SCLT1: variants seen among roughly 807,000 people sequenced by gnomAD.
SCLT1 encodes the protein sodium channel and clathrin linker 1, also known as sodium channel-associated protein 1.
In SCLT1, 78 loss-of-function variants were observed where a neutral mutation model predicts 112.8. That is an observed-to-expected ratio of 0.69 (90% CI 0.58 to 0.83). The LOEUF is 0.83. SCLT1 is among the 40% of genes least tolerant of loss of function. The probability of loss-of-function intolerance (pLI) is 0.00; values close to 1 mark genes in which losing one functional copy is unlikely to be tolerated. For synonymous variants in SCLT1, 257 were observed against 254.7 expected, an observed-to-expected ratio of 1.01 and a Z score of -0.09; for missense variants, 747 against 770.4, an observed-to-expected ratio of 0.97 and a Z score of 0.36.
At chr4:129,032,229 G>A (rs1746788109) in intron 5 of SCLT1, among the ~76,000 whole-genome samples, 1 of 152,084 alleles carries the variant, frequency 6.6e-6, no homozygotes, top group Non-Finnish European at 1.5e-5. Context: ...GGAAAAACAA[G>A]CAATGGGGAA....
At chr4:129,013,838 T>C (rs1159789290) in intron 5 of SCLT1, among the ~76,000 whole-genome samples, 6 of 152,216 alleles carry the variant, frequency 3.9e-5, no homozygotes, top group Non-Finnish European at 7.3e-5. Context: ...ATTTCCTGAA[T>C]TTGAATGTTA....
At chr4:128,937,358 T>C (rs1460995661) in intron 17 of SCLT1, among the ~76,000 whole-genome samples, 12 of 152,098 alleles carry the variant, frequency 7.9e-5, no homozygotes, top group Non-Finnish European at 1.2e-4. Context: ...TATAATGTTA[T>C]GTCAGTAAAA....
chr4:129,002,008 A>T (rs1313350451), intron 6 of SCLT1, among the ~76,000 whole-genome samples: 4 of 151,838 alleles, frequency 2.6e-5, no homozygotes, highest in African/African-American at 7.2e-5. Context: ...TTCATACATT[A>T]AAAAAAATTA....
chr4:129,021,791 G>A (rs957402144), intron 5 of SCLT1, among the ~76,000 whole-genome samples: 1 of 152,214 alleles, frequency 6.6e-6, no homozygotes, highest in Non-Finnish European at 1.5e-5. Context: ...TGACAAGAGG[G>A]ATTCTCCCAG....
intron 14 of SCLT1, among the ~76,000 whole-genome samples, chr4:128,948,808 G>A (rs977161366): frequency 6.6e-6 from 1 of 152,114 alleles, no homozygotes; most frequent in East Asian, 1.9e-4. Flanking sequence ...GAGGTTGGGG[G>A]ATTCCAGGGA....
chr4:129,041,559 G>A (rs1747696312), intron 4 of SCLT1, among the ~76,000 whole-genome samples: 1 of 152,028 alleles, frequency 6.6e-6, no homozygotes, highest in African/African-American at 2.4e-5. Context: ...ATTCCCATAA[G>A]CCCTGGCATT....
downstream of SCLT1, among the ~76,000 whole-genome samples, chr4:128,879,582 C>A (rs1331136115): frequency 6.6e-6 from 1 of 152,168 alleles, no homozygotes; most frequent in Non-Finnish European, 1.5e-5. Flanking sequence ...TACCTCATAT[C>A]TTTGGAAAGG....
At chr4:129,026,122 T>C (rs1160588846) in intron 5 of SCLT1, among the ~76,000 whole-genome samples, 1 of 152,230 alleles carries the variant, frequency 6.6e-6, no homozygotes, top group East Asian at 1.9e-4. Context: ...CACCCCACTG[T>C]CAACATTAGA....
chr4:128,904,250 T>C (rs757266025), intron 18 of SCLT1, among the ~76,000 whole-genome samples: 1 of 152,184 alleles, frequency 6.6e-6, no homozygotes, highest in Non-Finnish European at 1.5e-5. Flanking sequence ...GAATCCCTTA[T>C]AGTATCACTG....
Position 129,003,781 on chromosome 4 carries a change from G to A in SCLT1, c.386C>T (p.Thr129Ile), listed in dbSNP as rs758794944. ...CAATTGTTCTTGAAGGTTTCTGACT[G>A]TTTCATCATCTGCATATATGTCAGT... ...VGTDIYADDETVRNLQEQLQL... is the reference protein window; with the variant it reads ...VGTDIYADDEIVRNLQEQLQL... The change falls in exon 6 of 21, where the codon ACA (threonine) becomes ATA (isoleucine). Residue 129 changes from threonine to isoleucine, a missense_variant. Coordinates refer to ENST00000281142, the MANE Select transcript of SCLT1 (RefSeq NM_144643.4). 1 of 1,610,244 alleles carries A rather than the reference G, an allele frequency of 6.2e-7. No individual in the cohort carries two copies. The highest frequency in any genetic ancestry group is 2.2e-5 in the East Asian group (1 of 44,562).
At chr4:129,001,407 T>C (rs1203437463) in intron 6 of SCLT1, among the ~76,000 whole-genome samples, 1 of 152,072 alleles carries the variant, frequency 6.6e-6, no homozygotes, top group African/African-American at 2.4e-5. Context: ...GTACACTATA[T>C]AATTTTTAAA....
In SCLT1 at chr4:128,952,833, T is replaced by TAA. The variant is rs756518257; in HGVS notation, c.1153_1154insTT (p.Asn385IlefsTer14). 6.5e-7 allele frequency: 1 copy of TAA among 1,529,640 alleles called. No individual in the cohort carries two copies. Among genetic ancestry groups the TAA allele is most frequent in the South Asian group, 1.1e-5 (1 of 89,188 alleles). 94.8% of individuals were successfully genotyped at this position (1,529,640 alleles called of 1,614,324 possible). A position where few individuals can be genotyped will look rare whatever the true frequency, so the allele number is the denominator to read the frequency against. ...TTGTATATTACATTGTTTTTTGGTG[T>TAA]TTGCAACCTGTAAATTAAGACATTT... On this transcript the variant is annotated frameshift_variant, in exon 14 of 21. Transcript: ENST00000281142. LOFTEE classifies it high-confidence loss of function.
At chr4:129,039,961 C>T in intron 4 of SCLT1, 2 of 494,754 alleles carry the variant, frequency 4.0e-6, no homozygotes, top group Non-Finnish European at 3.7e-6. Context: ...TAAAAGCATG[C>T]AAAATCTCAC....
chr4:128,951,541 G>A (rs934629624), intron 14 of SCLT1, among the ~76,000 whole-genome samples: 3 of 152,082 alleles, frequency 2.0e-5, no homozygotes, highest in African/African-American at 7.2e-5. Flanking sequence ...TTGTTCCCTT[G>A]AGAATACAGA....
At chr4:129,045,491 T>G (rs1349670693) in intron 2 of SCLT1, among the ~76,000 whole-genome samples, 1 of 152,072 alleles carries the variant, frequency 6.6e-6, no homozygotes, top group Non-Finnish European at 1.5e-5. Flanking sequence ...GCCTTTACTA[T>G]AAAACATAGC....
intron 1 of SCLT1, among the ~76,000 whole-genome samples, chr4:129,091,021 C>G (rs535642680): frequency 6.6e-6 from 1 of 152,128 alleles, no homozygotes; most frequent in African/African-American, 2.4e-5. Flanking sequence ...CAAATCCAAA[C>G]GGAACAAAGA....
chr4:129,049,525 C>T lies in SCLT1; in HGVS notation c.103-5474G>A, dbSNP rs560860541. Reference sequence around the variant, plus strand: ...GGATAGCATTAGGAGATACACCTAACGCTAAATGACGAGTTAATGTGTGCA... The same window carrying T: ...GGATAGCATTAGGAGATACACCTAATGCTAAATGACGAGTTAATGTGTGCA... On this transcript the variant is annotated intron_variant, in intron 2 of 20. Transcript: ENST00000281142. Among the ~76,000 whole-genome samples the T allele has an allele frequency of 1.1e-4, 16 of 148,864 alleles. No homozygotes were observed. In the South Asian group the frequency reaches 1.3e-3, roughly 12 times the overall value.
intron 15 of SCLT1, 24 bp from the exon 16 acceptor site, chr4:128,946,176 T>C: frequency 3.3e-6 from 5 of 1,524,082 alleles, no homozygotes; most frequent in South Asian, 1.2e-5. Context: ...TTATTAGGTA[T>C]ATAATATTAC....
chr4:129,084,807 C>T (rs534292746), intron 1 of SCLT1, among the ~76,000 whole-genome samples: 7 of 152,138 alleles, frequency 4.6e-5, no homozygotes, highest in South Asian at 2.1e-4. Context: ...CTCGGATAAC[C>T]GGCAAGCCAT....
Sources: gnomAD v4.1 joint callset for allele counts (sites outside exome capture counted in the v4.1 genomes callset) on GRCh38, gnomAD v4.1.1 for gene constraint, MANE v1.5 for transcripts, NCBI Gene and HGNC (gene_info 2026-07-23, HGNC 2026-07-21) for gene names.